ANGPT2: variants seen among roughly 807,000 people sequenced by gnomAD.
ANGPT2 encodes the protein angiopoietin 2, also known as angiopoietin-2.
Under a neutral mutation model 62.9 loss-of-function variants are expected in ANGPT2, and 28 were observed. That is an observed-to-expected ratio of 0.44 (90% CI 0.33 to 0.61). The LOEUF is 0.61. ANGPT2 is among the 20% of genes least tolerant of loss of function. The pLI, the probability that ANGPT2 is intolerant of heterozygous loss-of-function variation, is 0.03. For missense variants in ANGPT2, 727 were observed against 594.9 expected, an observed-to-expected ratio of 1.22 and a Z score of -2.31; for synonymous variants, 284 against 207.8, an observed-to-expected ratio of 1.37 and a Z score of -3.15.
chr8:6,504,317 C>CAAAAAAA (rs35379672), intron 8 of ANGPT2, among the ~76,000 whole-genome samples: 4 of 85,884 alleles, frequency 4.7e-5, no homozygotes, highest in Middle Eastern at 6.3e-3. Flanking sequence ...GACTCCAGCT[C>CAAAAAAA]AAAAAAAAAA....
At chr8:6,513,980 T>C (rs1815719801) in intron 6 of ANGPT2, 136 bp from the exon 7 acceptor site, 1 of 843,394 alleles carries the variant, frequency 1.2e-6, no homozygotes, top group Admixed American at 3.0e-5. Context: ...CAATTTAGGG[T>C]CCTTCCCAAA....
Position 6,501,705 on chromosome 8 carries a change from G to A in ANGPT2, c.*1396C>T, listed in dbSNP as rs1284526565. The A allele has an allele frequency of 4.6e-5, 7 of 151,754 alleles. No homozygotes were observed. Among genetic ancestry groups the A allele is most frequent in the East Asian group, 1.9e-4 (1 of 5,200 alleles). 9.4% of individuals were successfully genotyped at this position (151,754 alleles called of 1,614,324 possible). ...CGAGTAGCTGGGATTACAGGTGCCC[G>A]CCAGCACGCCTGGCTAATTTTTGTA... On this transcript the variant is annotated 3_prime_UTR_variant, in exon 9 of 9. Coordinates refer to ENST00000629816, the MANE Select transcript of ANGPT2 (RefSeq NM_001118887.2).
At chr8:6,518,076 T>A (rs1816621769) in intron 5 of ANGPT2, among the ~76,000 whole-genome samples, 1 of 152,162 alleles carries the variant, frequency 6.6e-6, no homozygotes, top group African/African-American at 2.4e-5. Flanking sequence ...TTTCAGTTAT[T>A]CTGGGGGCCA....
Position 6,505,276 on chromosome 8 carries a change from AC to A in ANGPT2, c.1328-2016del, listed in dbSNP as rs1563305485. On this transcript the variant is annotated intron_variant, in intron 8 of 8. Coordinates refer to ENST00000629816, the MANE Select transcript of ANGPT2 (RefSeq NM_001118887.2). ...TTATATATGTTTTATATATATGTAT[AC>A]ATATATATGTTATATACATATATAT... Among the ~76,000 whole-genome samples, 112 of 18,440 alleles carry A rather than the reference AC, an allele frequency of 6.1e-3. 11 individuals are homozygous for A. The highest frequency in any genetic ancestry group is 0.021 in the African/African-American group (84 of 3,998). 12.1% of individuals were successfully genotyped at this position (18,440 alleles called of 152,430 possible).
chr8:6,502,933 T>C lies in ANGPT2; in HGVS notation c.*168A>G. 1.4e-6 allele frequency: 1 copy of C among 717,754 alleles called. No individual in the cohort carries two copies. Among genetic ancestry groups the C allele is most frequent in the Non-Finnish European group, 2.3e-6 (1 of 441,102 alleles). 44.5% of individuals were successfully genotyped at this position (717,754 alleles called of 1,614,324 possible). A position where few individuals can be genotyped will look rare whatever the true frequency, so the allele number is the denominator to read the frequency against. ...TTTGGTCCGTTAAGTGATGCAAGTT[T>C]AAGTGATAAAGTTTACAGGCTCTAA... On this transcript the variant is annotated 3_prime_UTR_variant, in exon 9 of 9. Transcript: ENST00000629816.
At chr8:6,536,888 C>A (rs147769049) in intron 1 of ANGPT2, among the ~76,000 whole-genome samples, 1 of 150,900 alleles carries the variant, frequency 6.6e-6, no homozygotes, top group African/African-American at 2.4e-5. Flanking sequence ...CTTATTTTTA[C>A]TGGCTGTGAC....
intron 5 of ANGPT2, among the ~76,000 whole-genome samples, chr8:6,518,799 A>G (rs1816781546): frequency 6.6e-6 from 1 of 152,232 alleles, no homozygotes; most frequent in South Asian, 2.1e-4. Context: ...GACATTTAAT[A>G]TATACAGTTA....
rs774648383 is a variant in ANGPT2 at position 6,527,662 on chromosome 8, G to T, written c.459C>A (p.Thr153=). 1 of 1,613,352 alleles carries T rather than the reference G, an allele frequency of 6.2e-7. No homozygotes were observed. The highest frequency in any genetic ancestry group is 1.7e-5 in the Admixed American group (1 of 59,992). The change falls in exon 3 of 9, where the codon ACC becomes ACA. Residue 153 remains threonine, a synonymous_variant. Transcript: ENST00000629816. ...TDVEAQVLNQ[T]TRLELQLLEH... is the part of the protein sequence containing the mutation. ...CCAAGAGCTGAAGTTCAAGTCTCGT[G>T]GTCTGATTTAATACCTAAATGTAAC... is the stretch of plus-strand genomic sequence containing the variant.
At chr8:6,546,221 A>C (rs1390410182) in intron 1 of ANGPT2, among the ~76,000 whole-genome samples, 1 of 152,268 alleles carries the variant, frequency 6.6e-6, no homozygotes, top group Non-Finnish European at 1.5e-5. Flanking sequence ...TCCTTGCAGC[A>C]AACAAATTGG....
chr8:6,503,566 C>G (rs1337099952), intron 8 of ANGPT2, among the ~76,000 whole-genome samples: 3 of 152,194 alleles, frequency 2.0e-5, no homozygotes, highest in Non-Finnish European at 4.4e-5. Context: ...TACACACTTA[C>G]AGCAGGAGTA....
At chr8:6,504,285 TC>T (rs1241961390) in intron 8 of ANGPT2, among the ~76,000 whole-genome samples, 21 of 123,012 alleles carry the variant, frequency 1.7e-4, no homozygotes, top group African/African-American at 6.7e-4. Flanking sequence ...GCCACTGCAC[TC>T]CAGCCTGGGC....
At position 6,499,894 on chromosome 8, in the gene ANGPT2, CCGTT is replaced by C; in HGVS notation, c.*3203_*3206del. 6.2e-7 allele frequency: 1 copy of C among 1,613,556 alleles called. No homozygotes were observed. Among genetic ancestry groups the C allele is most frequent in the East Asian group, 2.2e-5 (1 of 44,866 alleles). ...ATTGGGTCACTGGATTTCTGAGGAG[CCGTT>C]CGAACTGTCTCACCACTTCCCTGCA... On this transcript the variant is annotated 3_prime_UTR_variant, in exon 9 of 9. Transcript: ENST00000629816.
chr8:6,562,827 G>C lies in ANGPT2; in HGVS notation c.108C>G (p.Val36=). The part of the protein sequence containing the change: ...MDSIGKKQYQ[V]QHGSCSYTFL... ...AAGTGTAGCTGCAGGACCCATGCTG[G>C]ACCTGATATTGCTTCTTTCCTATGC... Residue 36 remains valine, a synonymous_variant, in exon 1 of 9, where the codon GTC becomes GTG. Coordinates refer to ENST00000629816, the MANE Select transcript of ANGPT2 (RefSeq NM_001118887.2). 1.2e-6 allele frequency: 2 copies of C among 1,613,544 alleles called. No homozygotes were observed. The highest frequency in any genetic ancestry group is 1.6e-4 in the Middle Eastern group (1 of 6,062).
At chr8:6,537,990 G>C (rs558096128) in intron 1 of ANGPT2, among the ~76,000 whole-genome samples, 1 of 152,234 alleles carries the variant, frequency 6.6e-6, no homozygotes, top group South Asian at 2.1e-4. Flanking sequence ...AGGGTCTAAA[G>C]ACCTTGAATT....
intron 5 of ANGPT2, among the ~76,000 whole-genome samples, chr8:6,518,824 A>G (rs1816786798): frequency 6.6e-6 from 1 of 152,198 alleles, no homozygotes; most frequent in Non-Finnish European, 1.5e-5. Flanking sequence ...GTAGTTACAT[A>G]ACACTTCACC....
rs1359747510 is a variant in ANGPT2, at chr8:6,500,640, AG to A, written c.*2460del. On this transcript the variant is annotated 3_prime_UTR_variant, in exon 9 of 9. Coordinates refer to ENST00000629816, the MANE Select transcript of ANGPT2 (RefSeq NM_001118887.2). The stretch of plus-strand genomic sequence containing the variant: ...TGCTCCCTGATCACTGTAGTTATCT[AG>A]GTTGTTGGGTTGTTTTGTTTTCATT... 6.6e-6 allele frequency: 1 copy of A among 152,178 alleles called. No individual in the cohort carries two copies. The allele number at this position is 152,178 out of a possible 1,614,324, so 9.4% of individuals were successfully genotyped here.
chr8:6,535,711 CA>C (rs1820361092), intron 1 of ANGPT2, among the ~76,000 whole-genome samples: 1 of 152,016 alleles, frequency 6.6e-6, no homozygotes, highest in Admixed American at 6.6e-5. Flanking sequence ...AAGAATGGAA[CA>C]GAACCAAAAA....
intron 5 of ANGPT2, 137 bp downstream of exon 5, chr8:6,519,727 C>G (rs1295596561): frequency 9.4e-7 from 1 of 1,061,304 alleles, no homozygotes; most frequent in Non-Finnish European, 1.3e-6. Context: ...GGCGAGGTAG[C>G]TGCCCAGTAA....
Position 6,503,072 on chromosome 8 carries a change from G to C in ANGPT2, c.*29C>G. On this transcript the variant is annotated 3_prime_UTR_variant, in exon 9 of 9. Coordinates refer to ENST00000629816, the MANE Select transcript of ANGPT2 (RefSeq NM_001118887.2). ...GGGCTTAAGTCTTTGAAAATAGTTC[G>C]AGACAGTTCCTCAGGTGGACTGGGA... The C allele has an allele frequency of 3.7e-6, 6 of 1,613,392 alleles. No homozygotes were observed. Among genetic ancestry groups the C allele is most frequent in the Non-Finnish European group, 5.1e-6 (6 of 1,179,620 alleles).
Sources: gnomAD v4.1 joint callset for allele counts (sites outside exome capture counted in the v4.1 genomes callset) on GRCh38, gnomAD v4.1.1 for gene constraint, MANE v1.5 for transcripts, NCBI Gene and HGNC (gene_info 2026-07-23, HGNC 2026-07-21) for gene names.